The following PTPRD variants were observed in gnomAD, a reference collection of about 807,000 sequenced individuals.
PTPRD encodes the protein receptor-type tyrosine-protein phosphatase delta.
Under a neutral mutation model 214.5 loss-of-function variants are expected in PTPRD, and 34 were observed. The observed-to-expected ratio is 0.16, with a 90% CI of 0.12 to 0.21. PTPRD has a LOEUF of 0.21. Among genes scored for constraint, PTPRD ranks in the 10% least tolerant of loss-of-function variants. The probability of loss-of-function intolerance (pLI) is 1.00; values close to 1 mark genes in which losing one functional copy is unlikely to be tolerated. For missense variants in PTPRD, 2,545 were observed against 2,398.7 expected (o/e 1.06, Z -1.27); for synonymous variants, 1,128 against 845.7 (o/e 1.33, Z -5.79).
Position 8,339,114 on chromosome 9 carries a change from T to C in PTPRD, c.5254-67A>G, listed in dbSNP as rs993046319. On this transcript the variant is annotated intron_variant, in intron 42 of 45. Coordinates refer to ENST00000381196, the MANE Select transcript of PTPRD (RefSeq NM_002839.4). ...AAGAACATTCTGTATATTATCTATCTATCTATCTAATCTATCTAATTTCCT... is the reference window on the plus strand; with the variant it reads ...AAGAACATTCTGTATATTATCTATCCATCTATCTAATCTATCTAATTTCCT... 39 of 1,442,834 alleles carry C rather than the reference T, an allele frequency of 2.7e-5. No homozygotes were observed. In the Admixed American group the frequency reaches 8.0e-4, roughly 30 times the overall value. The allele number at this position is 1,442,834 out of a possible 1,614,324, so 89.4% of individuals were successfully genotyped here.
chr9:8,496,988 C>T (rs1169647879), intron 26 of PTPRD, among the ~76,000 whole-genome samples: 1 of 152,170 alleles, frequency 6.6e-6, no homozygotes, highest in African/African-American at 2.4e-5. Context: ...TGTCACAAGG[C>T]AGAGTTAGTA....
At chr9:9,376,919 A>G (rs1030590295) in intron 9 of PTPRD, among the ~76,000 whole-genome samples, 1 of 152,030 alleles carries the variant, frequency 6.6e-6, no homozygotes, top group African/African-American at 2.4e-5. Context: ...ATTCCAAAAA[A>G]TTTGGGCTAG....
In PTPRD at chr9:8,803,924, T is replaced by C. The variant is rs147592752; in HGVS notation, c.-103-69978A>G. Among the ~76,000 whole-genome samples, 139 of 150,862 alleles carry C rather than the reference T, an allele frequency of 9.2e-4. 1 individual carries two copies. The East Asian group carries it at 0.018, about 20-fold the overall frequency. On this transcript the variant is annotated intron_variant, in intron 11 of 45. Coordinates refer to ENST00000381196, the MANE Select transcript of PTPRD (RefSeq NM_002839.4). ...TTTTTTCTTTTAATATCTACTGGAT[T>C]TTTTTTTTACGTTTGAAGTCCCTCA...
chr9:9,074,192 C>T (rs1239868422), intron 10 of PTPRD, among the ~76,000 whole-genome samples: 5 of 152,100 alleles, frequency 3.3e-5, no homozygotes, highest in Admixed American at 3.3e-4. Flanking sequence ...GGTTACTTTT[C>T]TGAATATAGC....
At chr9:8,724,701 AGGTG>A (rs756748629) in intron 12 of PTPRD, among the ~76,000 whole-genome samples, 1 of 152,116 alleles carries the variant, frequency 6.6e-6, no homozygotes, top group South Asian at 2.1e-4. Context: ...CGGGAGGCCA[AGGTG>A]GGTGGAGAGC....
intron 11 of PTPRD, among the ~76,000 whole-genome samples, chr9:8,918,544 C>CGA (rs939446221): frequency 6.6e-6 from 1 of 151,884 alleles, no homozygotes; most frequent in Admixed American, 6.6e-5. Context: ...AGCAGCACTA[C>CGA]GAGAGAGAGA....
At chr9:10,202,120 G>A (rs1283596228) in intron 3 of PTPRD, among the ~76,000 whole-genome samples, 1 of 152,050 alleles carries the variant, frequency 6.6e-6, no homozygotes, top group Admixed American at 6.6e-5. Flanking sequence ...GTAAATGGTA[G>A]CTGCCCTCAA....
At position 9,027,177 on chromosome 9, in the gene PTPRD, C is replaced by T. The variant is rs1306663469; in HGVS notation, c.-142-8442G>A. On this transcript the variant is annotated intron_variant, in intron 10 of 45. Coordinates refer to ENST00000381196, the MANE Select transcript of PTPRD (RefSeq NM_002839.4). The stretch of plus-strand genomic sequence containing the variant: ...CCAGCTCATTTACTACCTTCCCTCT[C>T]TGTTTTTCCAGGTGGATTTTCCAAA... Among the ~76,000 whole-genome samples, 3 of 151,876 alleles carry T rather than the reference C, an allele frequency of 2.0e-5. No homozygotes were observed. In the East Asian group the frequency reaches 5.8e-4, roughly 30 times the overall value.
chr9:10,494,611 C>G (rs2041461373), intron 2 of PTPRD, among the ~76,000 whole-genome samples: 2 of 147,302 alleles, frequency 1.4e-5, no homozygotes, highest in African/African-American at 4.9e-5. Flanking sequence ...TAGGTCTTTT[C>G]TCTCAGTCTG....
chr9:9,091,783 C>G (rs867331936), intron 10 of PTPRD, among the ~76,000 whole-genome samples: 21 of 152,144 alleles, frequency 1.4e-4, no homozygotes, highest in Admixed American at 3.3e-4. Flanking sequence ...AAGAATTGAA[C>G]TTTCAGGTTG....
chr9:10,090,653 C>G (rs183613732), intron 3 of PTPRD, among the ~76,000 whole-genome samples: 4 of 146,952 alleles, frequency 2.7e-5, no homozygotes, highest in African/African-American at 1.0e-4. Flanking sequence ...AACTAAGAAC[C>G]AGAATAAATA....
At chr9:9,169,305 G>C (rs1325494260) in intron 10 of PTPRD, among the ~76,000 whole-genome samples, 1 of 152,018 alleles carries the variant, frequency 6.6e-6, no homozygotes, top group Non-Finnish European at 1.5e-5. Context: ...CCAATTCTAT[G>C]CCACACTAAA....
chr9:8,518,005 A>G lies in PTPRD; in HGVS notation c.1386T>C (p.His462=). The G allele has an allele frequency of 6.2e-7, 1 of 1,614,194 alleles. No individual in the cohort carries two copies. Among genetic ancestry groups the G allele is most frequent in the Non-Finnish European group, 8.5e-7 (1 of 1,180,020 alleles). The part of the protein sequence containing the change: ...RVYYTMDPTQ[H]VNNWMKHNVA... ...CATTGTGTTTCATCCAGTTGTTGAC[A>G]TGTTGAGTGGGATCCATTGTATAAT... The change falls in exon 21 of 46, where the codon CAT becomes CAC. Residue 462 remains histidine (H), a synonymous_variant. Transcript: ENST00000381196.
intron 10 of PTPRD, among the ~76,000 whole-genome samples, chr9:9,061,287 C>G (rs1208556602): frequency 1.3e-5 from 2 of 152,188 alleles, no homozygotes; most frequent in Non-Finnish European, 2.9e-5. Context: ...GAATTGTTGA[C>G]AGTGTATTTC....
chr9:10,225,486 T>C (rs902257452), intron 3 of PTPRD, among the ~76,000 whole-genome samples: 1 of 152,028 alleles, frequency 6.6e-6, no homozygotes, highest in African/African-American at 2.4e-5. Flanking sequence ...GAGGGTGATA[T>C]GAGGATGAAA....
At chr9:10,119,688 A>C (rs1246227501) in intron 3 of PTPRD, among the ~76,000 whole-genome samples, 1 of 152,034 alleles carries the variant, frequency 6.6e-6, no homozygotes, top group Non-Finnish European at 1.5e-5. Context: ...ATAATTTAAA[A>C]GTAGATGCAA....
intron 11 of PTPRD, among the ~76,000 whole-genome samples, chr9:8,741,333 A>G (rs1156256985): frequency 1.3e-5 from 2 of 152,176 alleles, no homozygotes; most frequent in African/African-American, 4.8e-5. Context: ...TTATTACTGC[A>G]TGTCATAGCT....
intron 3 of PTPRD, among the ~76,000 whole-genome samples, chr9:10,136,062 C>A (rs1034816172): frequency 3.3e-5 from 5 of 151,424 alleles, no homozygotes; most frequent in African/African-American, 1.2e-4. Context: ...AACTGCAAAA[C>A]CAAAAAGAGC....
intron 10 of PTPRD, among the ~76,000 whole-genome samples, chr9:9,092,099 G>C (rs887592969): frequency 6.6e-6 from 1 of 152,100 alleles, no homozygotes; most frequent in African/African-American, 2.4e-5. Context: ...TAATGTACTG[G>C]ATGGTAATAA....
Sources: gnomAD v4.1 joint callset for allele counts (sites outside exome capture counted in the v4.1 genomes callset) on GRCh38, gnomAD v4.1.1 for gene constraint, MANE v1.5 for transcripts, NCBI Gene and HGNC (gene_info 2026-07-23, HGNC 2026-07-21) for gene names.